Variants in SPOCK3 observed in about 807,000 individuals in gnomAD.
SPOCK3 encodes testican-3.
In SPOCK3, 30 loss-of-function variants were observed where a neutral mutation model predicts 56.6. The ratio of observed to expected loss-of-function variants is 0.53; its 90% CI spans 0.40 to 0.72. SPOCK3 has a LOEUF of 0.72. Among genes scored for constraint, SPOCK3 ranks in the 30% least tolerant of loss-of-function variants. The pLI, the probability that SPOCK3 is intolerant of heterozygous loss-of-function variation, is 0.00. For synonymous variants in SPOCK3, 196 were observed against 183.3 expected (o/e 1.07, Z -0.56); for missense variants, 527 against 530.0 (o/e 0.99, Z 0.06).
intron 7 of SPOCK3, among the ~76,000 whole-genome samples, chr4:166,778,683 A>G (rs1422063819): frequency 6.6e-6 from 1 of 152,092 alleles, no homozygotes; most frequent in East Asian, 1.9e-4. Context: ...ATATGGTCTT[A>G]TAGAACCAGC....
intron 9 of SPOCK3, among the ~76,000 whole-genome samples, 184 bp from the exon 10 acceptor site, chr4:166,737,788 T>C (rs1253946875): frequency 6.6e-6 from 1 of 152,190 alleles, no homozygotes; most frequent in Non-Finnish European, 1.5e-5. Flanking sequence ...TTTTGTGTCA[T>C]GGAGCTGGCC....
At chr4:166,944,357 T>A (rs924641652) in intron 4 of SPOCK3, among the ~76,000 whole-genome samples, 2 of 152,132 alleles carry the variant, frequency 1.3e-5, no homozygotes, top group African/African-American at 2.4e-5. Context: ...TGCAACCATA[T>A]GAATGAGGAC....
intron 2 of SPOCK3, among the ~76,000 whole-genome samples, chr4:167,091,376 G>C (rs1284615869): frequency 5.3e-5 from 8 of 152,050 alleles, no homozygotes; most frequent in Non-Finnish European, 1.2e-4. Flanking sequence ...AGATCAGCAT[G>C]GAATTACGAC....
intron 6 of SPOCK3, among the ~76,000 whole-genome samples, chr4:166,820,292 A>G (rs1343728981): frequency 6.6e-6 from 1 of 152,080 alleles, no homozygotes; most frequent in African/African-American, 2.4e-5. Flanking sequence ...ATATCAAAAC[A>G]TTGTACTTCA....
intron 6 of SPOCK3, among the ~76,000 whole-genome samples, chr4:166,815,241 C>A (rs1052698139): frequency 3.3e-5 from 5 of 150,742 alleles, no homozygotes; most frequent in Non-Finnish European, 5.9e-5. Context: ...CATTATCAGA[C>A]TGATGATACT....
chr4:166,973,417 T>C (rs1429994047), intron 4 of SPOCK3, among the ~76,000 whole-genome samples: 1 of 152,166 alleles, frequency 6.6e-6, no homozygotes, highest in East Asian at 1.9e-4. Context: ...GTCTCCAAAA[T>C]ATACTCAATA....
chr4:166,754,460 T>G, intron 8 of SPOCK3, 48 bp downstream of exon 8: 1 of 1,568,656 alleles, frequency 6.4e-7, no homozygotes, highest in South Asian at 1.2e-5. Flanking sequence ...TAAGTAAAAT[T>G]TGACATGCAG....
intron 6 of SPOCK3, among the ~76,000 whole-genome samples, chr4:166,795,275 C>T (rs907597796): frequency 2.6e-5 from 4 of 151,798 alleles, no homozygotes; most frequent in Non-Finnish European, 5.9e-5. Context: ...TCTTTTCCTA[C>T]CAAAAAACCG....
At chr4:166,843,113 C>A (rs555578441) in intron 6 of SPOCK3, among the ~76,000 whole-genome samples, 1 of 152,178 alleles carries the variant, frequency 6.6e-6, no homozygotes, top group Non-Finnish European at 1.5e-5. Context: ...GCTCTGAGTG[C>A]GGGGCCCGCC....
At chr4:166,943,740 C>T (rs750189242) in intron 4 of SPOCK3, among the ~76,000 whole-genome samples, 3 of 152,058 alleles carry the variant, frequency 2.0e-5, no homozygotes, top group Admixed American at 6.5e-5. Context: ...CTAAAGTGGT[C>T]GTATGCTTTT....
intron 6 of SPOCK3, among the ~76,000 whole-genome samples, chr4:166,839,285 G>A (rs887292093): frequency 1.3e-5 from 2 of 152,122 alleles, no homozygotes; most frequent in Non-Finnish European, 2.9e-5. Flanking sequence ...ATGGATGAGT[G>A]AGAGGGGAGT....
intron 6 of SPOCK3, among the ~76,000 whole-genome samples, chr4:166,863,543 T>A (rs1447554357): frequency 6.6e-6 from 1 of 150,428 alleles, no homozygotes; most frequent in Non-Finnish European, 1.5e-5. Context: ...AGGAGACTCA[T>A]CTCACATTCA....
At chr4:167,119,624 C>T (rs1331080498) in intron 2 of SPOCK3, among the ~76,000 whole-genome samples, 1 of 151,996 alleles carries the variant, frequency 6.6e-6, no homozygotes, top group African/African-American at 2.4e-5. Flanking sequence ...CAAAAATAAA[C>T]CACAAGTGAA....
At chr4:167,124,104 T>C (rs2558125) in intron 2 of SPOCK3, among the ~76,000 whole-genome samples, 119,907 of 152,030 alleles carry the variant, frequency 0.79, 48,764 homozygotes, top group East Asian at 0.91. Flanking sequence ...ACCACCCCCA[T>C]ATATTCCTCC....
At chr4:167,125,753 C>T (rs1762223204) in intron 2 of SPOCK3, among the ~76,000 whole-genome samples, 1 of 152,032 alleles carries the variant, frequency 6.6e-6, no homozygotes, top group African/African-American at 2.4e-5. Context: ...CCCTCCATTT[C>T]TTTCTTTCAT....
At chr4:167,201,994 T>A (rs1733562034) in intron 2 of SPOCK3, among the ~76,000 whole-genome samples, 1 of 151,976 alleles carries the variant, frequency 6.6e-6, no homozygotes, top group Non-Finnish European at 1.5e-5. Context: ...TGACATTTAA[T>A]TTATAGACCA....
intron 2 of SPOCK3, among the ~76,000 whole-genome samples, chr4:167,182,442 T>C (rs1384954836): frequency 1.3e-5 from 2 of 150,226 alleles, no homozygotes; most frequent in Admixed American, 1.3e-4. Context: ...CTGAGTCTTA[T>C]GCTCAAAGAA....
chr4:166,765,102 T>G (rs1415606613), intron 7 of SPOCK3, among the ~76,000 whole-genome samples: 1 of 152,180 alleles, frequency 6.6e-6, no homozygotes, highest in African/African-American at 2.4e-5. Flanking sequence ...CTTTGTCAGA[T>G]GAGTAGATTG....
At chr4:167,118,570 T>G (rs528576248) in intron 2 of SPOCK3, among the ~76,000 whole-genome samples, 5 of 152,190 alleles carry the variant, frequency 3.3e-5, no homozygotes, top group Non-Finnish European at 7.3e-5. Flanking sequence ...ATTGCTTATG[T>G]AGCATTTTCA....
Sources: allele counts gnomAD v4.1 joint callset (sites outside exome capture counted in the v4.1 genomes callset), GRCh38; gene constraint gnomAD v4.1.1; transcripts MANE v1.5; gene names NCBI Gene and HGNC (gene_info 2026-07-23, HGNC 2026-07-21).